Variants in MRPL44 observed in about 807,000 individuals in gnomAD.
The protein encoded by MRPL44 is large ribosomal subunit protein mL44.
MRPL44 carries 21 observed loss-of-function variants against 25.9 expected under a neutral mutation model. That is an observed-to-expected ratio of 0.81 (90% confidence interval 0.58 to 1.17). The LOEUF (loss-of-function observed/expected upper bound fraction) is 1.17. Ranked by LOEUF, MRPL44 falls within the 50% of genes most tolerant of loss-of-function variation. The pLI, the probability that MRPL44 is intolerant of heterozygous loss-of-function variation, is 0.00. For missense variants in MRPL44, 410 were observed against 398.9 expected, an observed-to-expected ratio of 1.03 and a Z score of -0.24; for synonymous variants, 169 against 151.0, an observed-to-expected ratio of 1.12 and a Z score of -0.87.
chr2:223,957,324 C>A, upstream of MRPL44: 1 of 957,884 alleles, frequency 1.0e-6, no homozygotes, highest in Non-Finnish European at 1.6e-6. Context: ...CTGTCTCCGC[C>A]CCTGCCCTCT....
At chr2:223,961,609 T>C (rs1239429596) in intron 2 of MRPL44, among the ~76,000 whole-genome samples, 2 of 152,346 alleles carry the variant, frequency 1.3e-5, no homozygotes, top group East Asian at 1.9e-4. Context: ...TTAGCCATGC[T>C]ACAGCGTATG....
At position 223,959,964 on chromosome 2, in the gene MRPL44, C is replaced by T. The variant is rs1438012386; in HGVS notation, c.610C>T (p.Gln204Ter). The T allele has an allele frequency of 2.5e-6, 4 of 1,614,002 alleles. No individual in the cohort carries two copies. Among genetic ancestry groups the T allele is most frequent in the Admixed American group, 3.3e-5 (2 of 60,000 alleles). Residue 204 changes from glutamine to a stop codon, truncating the protein, a stop_gained, in exon 2 of 4, where the codon CAG (glutamine) becomes TAG (stop). Coordinates refer to ENST00000258383, the MANE Select transcript of MRPL44 (RefSeq NM_022915.5). LOFTEE classifies it high-confidence loss of function. ...TFFAVIGALL[Q>*]SSGPERTALF... ...CTTTGCAGTTATTGGAGCCCTGTTA[C>T]AGAGCAGTGGACCTGAGAGGACTGC...
rs894073901 is a variant in MRPL44 at position 223,966,863 on chromosome 2, T to C, written c.828T>C (p.Cys276=). Residue 276 remains cysteine (C), a splice_region_variant and synonymous_variant, in exon 4 of 4, where the codon TGT becomes TGC. Transcript: ENST00000258383. ...AGACTACTGTTTGTTCTCTTTCTAG[T>C]GATAAAAAGTTGATTGCAGAAGGAC... The part of the protein sequence containing the change: ...ALPLYFVGLY[C]DKKLIAEGPG... The C allele has an allele frequency of 3.1e-6, 5 of 1,611,098 alleles. No individual in the cohort carries two copies. The African/African-American group carries it at 6.7e-5, about 22-fold the overall frequency.
At position 223,957,686 on chromosome 2, in the gene MRPL44, C is replaced by T. The variant is rs373144312; in HGVS notation, c.179+35C>T. The T allele has an allele frequency of 1.2e-4, 196 of 1,577,144 alleles. No individual in the cohort carries two copies. In the East Asian group the frequency reaches 1.3e-3, roughly 10 times the overall value. The stretch of plus-strand genomic sequence containing the variant: ...ACCTCGGGAAGAGGTCTCAGGGTGG[C>T]GGTCGCAGACACTGGGTCTTCTTCC... On this transcript the variant is annotated intron_variant, in intron 1 of 3. Transcript: ENST00000258383.
intron 1 of MRPL44, among the ~76,000 whole-genome samples, chr2:223,959,147 C>T (rs1308379033): frequency 6.6e-6 from 1 of 152,166 alleles, no homozygotes; most frequent in East Asian, 1.9e-4. Flanking sequence ...GCAAATATAA[C>T]ATACTAGTGT....
chr2:223,954,494 C>T (rs1689534955), upstream of MRPL44, among the ~76,000 whole-genome samples: 1 of 152,218 alleles, frequency 6.6e-6, no homozygotes, highest in Non-Finnish European at 1.5e-5. Flanking sequence ...CATGAGGATG[C>T]AGTCAAAGCG....
chr2:223,957,065 T>A (rs1032134090), upstream of MRPL44, among the ~76,000 whole-genome samples: 2 of 152,234 alleles, frequency 1.3e-5, no homozygotes, highest in Admixed American at 1.3e-4. Context: ...GAACACTAAA[T>A]ATAAATTAAA....
intron 1 of MRPL44, 145 bp downstream of exon 1, chr2:223,957,796 G>T: frequency 1.0e-6 from 1 of 966,510 alleles, no homozygotes; most frequent in Non-Finnish European, 1.5e-6. Context: ...TGTGGGCGCG[G>T]GGCCTGAGGC....
intron 3 of MRPL44, 121 bp downstream of exon 3, chr2:223,964,055 T>G: frequency 1.4e-6 from 1 of 716,690 alleles, no homozygotes; most frequent in East Asian, 3.1e-5. Flanking sequence ...CTCTTCAGAT[T>G]CCTTAACGTA....
chr2:223,955,234 T>C (rs1388292641), upstream of MRPL44, among the ~76,000 whole-genome samples: 2 of 152,212 alleles, frequency 1.3e-5, no homozygotes, highest in Non-Finnish European at 2.9e-5. Context: ...AAAGCTAGGT[T>C]GAACAGATGT....
At chr2:223,957,019 T>G (rs529741537), upstream of MRPL44, among the ~76,000 whole-genome samples, 1 of 152,334 alleles carries the variant, frequency 6.6e-6, no homozygotes, top group Non-Finnish European at 1.5e-5. Context: ...GGGTCAAAAA[T>G]AGAAGCTCGG....
intron 3 of MRPL44, among the ~76,000 whole-genome samples, 172 bp downstream of exon 3, chr2:223,964,106 C>T (rs1178405008): frequency 2.0e-5 from 3 of 152,134 alleles, no homozygotes; most frequent in Non-Finnish European, 4.4e-5. Context: ...AATCTCTTCC[C>T]CATGGTTATT....
Position 223,964,449 on chromosome 2 carries a change from A to G in MRPL44, c.827+515A>G, listed in dbSNP as rs76447912. On this transcript the variant is annotated intron_variant, in intron 3 of 3. Transcript: ENST00000258383. ...TGTTAAGATTAAAGTGTTAAATGTAAATATTGAATATTTAAGATAGCTAGA... is the reference window on the plus strand; with the variant it reads ...TGTTAAGATTAAAGTGTTAAATGTAGATATTGAATATTTAAGATAGCTAGA... 7.4e-4 allele frequency among the ~76,000 whole-genome samples: 113 copies of G among 152,328 alleles called. 2 individuals are homozygous for G. In the East Asian group the frequency reaches 0.019, roughly 26 times the overall value.
chr2:223,957,571 G>A lies in MRPL44; in HGVS notation c.99G>A (p.Lys33=), dbSNP rs1409880822. ...KLVPPVRGVK[K]GFRAAFRFQK... ...TCCCTCCGGTTCGGGGAGTGAAGAA[G>A]GGATTCCGCGCCGCCTTCCGCTTCC... Residue 33 remains lysine (K), a synonymous_variant, in exon 1 of 4, where the codon AAG becomes AAA. Transcript: ENST00000258383. 1 of 1,613,780 alleles carries A rather than the reference G, an allele frequency of 6.2e-7. No homozygotes were observed. The highest frequency in any genetic ancestry group is 1.3e-5 in the African/African-American group (1 of 74,954).
At chr2:223,963,221 A>G (rs1689689411) in intron 2 of MRPL44, among the ~76,000 whole-genome samples, 1 of 152,128 alleles carries the variant, frequency 6.6e-6, no homozygotes, top group Non-Finnish European at 1.5e-5. Context: ...AGGCAGGAGG[A>G]TCCTTTGAGG....
chr2:223,957,282 C>T, upstream of MRPL44: 1 of 650,650 alleles, frequency 1.5e-6, no homozygotes, highest in Non-Finnish European at 2.7e-6. Flanking sequence ...CAAGCGTAGC[C>T]TCAAGGCGGC....
At chr2:223,965,813 C>G (rs1256508714) in intron 3 of MRPL44, 1 of 151,948 alleles carries the variant, frequency 6.6e-6, no homozygotes, top group Non-Finnish European at 1.5e-5. Flanking sequence ...AAAATCTGAG[C>G]CTGTTTTGAA....
chr2:223,960,746 A>G (rs557779455), intron 2 of MRPL44, among the ~76,000 whole-genome samples: 1 of 152,354 alleles, frequency 6.6e-6, no homozygotes, highest in South Asian at 2.1e-4. Context: ...TTCATAGGTA[A>G]GACCTATCTT....
In MRPL44 at chr2:223,963,451, G is replaced by GA. The variant is rs71058968; in HGVS notation, c.649-295dup. On this transcript the variant is annotated intron_variant, in intron 2 of 3. Transcript: ENST00000258383. ...TAGAGTGAAGCCCTGTCTCAAAAAA[G>GA]AAAAAAAAAATTATAGGATTCTACC... Among the ~76,000 whole-genome samples, 33,391 of 148,596 alleles carry GA rather than the reference G, an allele frequency of 0.22. 4,556 individuals carry two copies. The highest frequency in any genetic ancestry group is 0.36 in the South Asian group (1,680 of 4,680).
Sources: gnomAD v4.1 joint callset for allele counts (sites outside exome capture counted in the v4.1 genomes callset) on GRCh38, gnomAD v4.1.1 for gene constraint, MANE v1.5 for transcripts, NCBI Gene and HGNC (gene_info 2026-07-23, HGNC 2026-07-21) for gene names.